The following SPMAP1 variants were observed in gnomAD, a reference collection of about 807,000 sequenced individuals.
SPMAP1 encodes sperm microtubule associated protein 1.
At chr17:38,841,364 A>G in the SPMAP1 span, 1 of 1,614,142 alleles carries the variant, frequency 6.2e-7, no homozygotes, top group South Asian at 1.1e-5. Context: ...CTCCAGTCGC[A>G]GGCGACACTC....
At chr17:38,836,233 T>A in the SPMAP1 span, among the ~76,000 whole-genome samples, 1 of 151,884 alleles carries the variant, frequency 6.6e-6, no homozygotes, top group Non-Finnish European at 1.5e-5. Flanking sequence ...AGACTATTAA[T>A]CCCAGCTCAG....
At chr17:38,836,282 T>C in the SPMAP1 span, among the ~76,000 whole-genome samples, 2 of 152,052 alleles carry the variant, frequency 1.3e-5, no homozygotes, top group Admixed American at 1.3e-4. Flanking sequence ...AAACTTGTTT[T>C]CCTACCTGTG....
At chr17:38,836,577 CTTTCTTTCTTTTTTTTT>C in the SPMAP1 span, among the ~76,000 whole-genome samples, 1 of 89,194 alleles carries the variant, frequency 1.1e-5, no homozygotes. Context: ...TTCTTTCTTT[CTTTCTTTCTTTTTTTTT>C]TTTTTTTTTT....
the SPMAP1 span, among the ~76,000 whole-genome samples, chr17:38,839,560 G>A: frequency 8.6e-5 from 13 of 151,824 alleles, no homozygotes; most frequent in Admixed American, 8.6e-4. Flanking sequence ...GGCCGAGGCA[G>A]GCAGATCACA....
At chr17:38,837,475 G>C in the SPMAP1 span, among the ~76,000 whole-genome samples, 2 of 152,062 alleles carry the variant, frequency 1.3e-5, no homozygotes, top group Non-Finnish European at 2.9e-5. Context: ...CCAGGAGTTC[G>C]AGACCAGCCT....
chr17:38,835,975 C>T, the SPMAP1 span, among the ~76,000 whole-genome samples: 10 of 152,202 alleles, frequency 6.6e-5, no homozygotes, highest in Non-Finnish European at 1.2e-4. Flanking sequence ...AGTGCAATGG[C>T]GCAATCTCGG....
At chr17:38,840,929 C>A in the SPMAP1 span, among the ~76,000 whole-genome samples, 1 of 151,554 alleles carries the variant, frequency 6.6e-6, no homozygotes. Flanking sequence ...TCGCTTGAAC[C>A]CGGGAGGCTG....
chr17:38,835,398 C>A, the SPMAP1 span: 1 of 1,598,108 alleles, frequency 6.3e-7, no homozygotes, highest in South Asian at 1.1e-5. Flanking sequence ...CACCTCTTGG[C>A]TTCCCCATTC....
At chr17:38,841,332 C>A in the SPMAP1 span, 1 of 1,614,196 alleles carries the variant, frequency 6.2e-7, no homozygotes, top group Admixed American at 1.7e-5. Context: ...CTCACAGCCA[C>A]CCCGTCCAAG....
the SPMAP1 span, among the ~76,000 whole-genome samples, chr17:38,840,625 A>G: frequency 8.0e-4 from 88 of 109,396 alleles, 7 homozygotes; most frequent in East Asian, 0.02. Context: ...TACAAAAAAA[A>G]AAAAAAAAAA....
the SPMAP1 span, among the ~76,000 whole-genome samples, chr17:38,840,234 G>T: frequency 6.6e-6 from 1 of 152,178 alleles, no homozygotes; most frequent in East Asian, 1.9e-4. Context: ...GGAGGAAGGC[G>T]TCTCGCCCTG....
At chr17:38,836,205 C>T in the SPMAP1 span, among the ~76,000 whole-genome samples, 1 of 152,104 alleles carries the variant, frequency 6.6e-6, no homozygotes, top group South Asian at 2.1e-4. Context: ...TGAGCCACTG[C>T]ACCAGGCCAG....
the SPMAP1 span, chr17:38,841,263 A>G: frequency 1.4e-5 from 23 of 1,614,052 alleles, no homozygotes; most frequent in Non-Finnish European, 1.9e-5. Context: ...TGCGCGTTGT[A>G]GGGCGGAATC....
the SPMAP1 span, among the ~76,000 whole-genome samples, chr17:38,840,223 A>G: frequency 6.6e-6 from 1 of 152,184 alleles, no homozygotes; most frequent in Non-Finnish European, 1.5e-5. Flanking sequence ...ATGATGTCAC[A>G]GGAGGAAGGC....
At chr17:38,838,502 A>T in the SPMAP1 span, among the ~76,000 whole-genome samples, 2,960 of 152,248 alleles carry the variant, frequency 0.019, 146 homozygotes, top group South Asian at 0.19. Flanking sequence ...CAGGAGGCTG[A>T]GGCAAGAGAA....
chr17:38,838,554 C>T, the SPMAP1 span, among the ~76,000 whole-genome samples: 3 of 151,536 alleles, frequency 2.0e-5, no homozygotes, highest in African/African-American at 7.3e-5. Context: ...GAGCTGAGAT[C>T]GTGCCACTGC....
At chr17:38,836,516 C>T in the SPMAP1 span, among the ~76,000 whole-genome samples, 19 of 151,280 alleles carry the variant, frequency 1.3e-4, no homozygotes, top group African/African-American at 3.9e-4. Context: ...GGGAGGATTG[C>T]GCAAGCCCAG....
At chr17:38,835,305 C>T in the SPMAP1 span, 1 of 1,614,156 alleles carries the variant, frequency 6.2e-7, no homozygotes, top group Non-Finnish European at 8.5e-7. Flanking sequence ...TTCAGATCAG[C>T]ATTGTAGTGG....
the SPMAP1 span, among the ~76,000 whole-genome samples, chr17:38,839,511 G>A: frequency 6.0e-5 from 9 of 149,248 alleles, no homozygotes; most frequent in African/African-American, 9.9e-5. Flanking sequence ...AAATTGGGCC[G>A]GGCACGGTGG....
Sources: allele counts gnomAD v4.1 joint callset (sites outside exome capture counted in the v4.1 genomes callset), GRCh38; gene constraint gnomAD v4.1.1; transcripts MANE v1.5; gene names NCBI Gene and HGNC (gene_info 2026-07-23, HGNC 2026-07-21).